SUV39H2: variants seen among roughly 807,000 people sequenced by gnomAD.
SUV39H2 encodes histone-lysine N-methyltransferase SUV39H2.
In SUV39H2, 10 loss-of-function variants were observed where a neutral mutation model predicts 47.5. The ratio of observed to expected loss-of-function variants is 0.21; its 90% CI spans 0.13 to 0.36. SUV39H2 has a LOEUF of 0.36. Among genes scored for constraint, SUV39H2 ranks in the 10% least tolerant of loss-of-function variants. The probability of loss-of-function intolerance (pLI) is 1.00; values close to 1 mark genes in which losing one functional copy is unlikely to be tolerated. For missense variants in SUV39H2, 266 were observed against 487.4 expected (o/e 0.55, Z 4.28); for synonymous variants, 159 against 166.8 (o/e 0.95, Z 0.36).
At chr10:14,893,299 G>A (rs553050600) in intron 2 of SUV39H2, among the ~76,000 whole-genome samples, 6 of 152,146 alleles carry the variant, frequency 3.9e-5, no homozygotes, top group South Asian at 2.1e-4. Context: ...CACCGCGCCC[G>A]GCCTTTGTAT....
chr10:14,883,865 G>A (rs968062003), intron 2 of SUV39H2, among the ~76,000 whole-genome samples: 7 of 152,018 alleles, frequency 4.6e-5, no homozygotes, highest in East Asian at 1.9e-4. Flanking sequence ...ACCTCCAGCC[G>A]TAGGGCAGCC....
intron 2 of SUV39H2, 134 bp from the exon 3 acceptor site, chr10:14,896,712 C>T: frequency 1.6e-6 from 1 of 636,428 alleles, no homozygotes; most frequent in Non-Finnish European, 2.6e-6. Flanking sequence ...TGTTAGGAAC[C>T]TGTGACTACA....
chr10:14,892,838 G>A (rs968026700), intron 2 of SUV39H2, among the ~76,000 whole-genome samples: 3 of 148,126 alleles, frequency 2.0e-5, no homozygotes, highest in African/African-American at 5.0e-5. Context: ...TTTTGGAGAC[G>A]GGGTCTCGCG....
At chr10:14,880,554 G>A (rs1057470817) in intron 1 of SUV39H2, among the ~76,000 whole-genome samples, 1 of 152,210 alleles carries the variant, frequency 6.6e-6, no homozygotes, top group African/African-American at 2.4e-5. Context: ...GATGGGTAGT[G>A]CAGAGGACTT....
rs146013333 is a variant in SUV39H2, at chr10:14,888,407, G to A, written c.177+6762G>A. Among the ~76,000 whole-genome samples, 1,429 of 150,616 alleles carry A rather than the reference G, an allele frequency of 9.5e-3. 23 individuals are homozygous for A. The highest frequency in any genetic ancestry group is 0.032 in the African/African-American group (1,313 of 41,030). On this transcript the variant is annotated intron_variant, in intron 2 of 5. Transcript: ENST00000354919. ...TCCCAGCACTTTGGGAGGCCGAGGC[G>A]GGCAGATCATGAGGTCAGGAGATTG...
chr10:14,898,696 G>A (rs1031017946), intron 3 of SUV39H2: 2 of 152,260 alleles, frequency 1.3e-5, no homozygotes, highest in Non-Finnish European at 2.9e-5. Context: ...TTCTTAAGCC[G>A]AGCGTGTCAT....
At chr10:14,894,360 T>TAATTCACAAAGATTACTGCTTGTTGAA (rs1564340047) in intron 2 of SUV39H2, among the ~76,000 whole-genome samples, 4 of 86,086 alleles carry the variant, frequency 4.6e-5, no homozygotes, top group East Asian at 3.5e-4. Flanking sequence ...GCAAAGTTTT[T>TAATTCACAAAGATTACTGCTTGTTGAA]TTTTTTTTTT....
chr10:14,883,340 A>AT (rs1444137641), intron 2 of SUV39H2, among the ~76,000 whole-genome samples: 4 of 151,946 alleles, frequency 2.6e-5, no homozygotes, highest in Non-Finnish European at 4.4e-5. Flanking sequence ...TGTCCCATTA[A>AT]TTTTTTTAAC....
chr10:14,880,039 C>A (rs1319072294), intron 1 of SUV39H2: 1 of 151,656 alleles, frequency 6.6e-6, no homozygotes, highest in Non-Finnish European at 1.5e-5. Context: ...ATAAGAGGAA[C>A]CTCCTTTATA....
intron 1 of SUV39H2, 198 bp downstream of exon 1, chr10:14,879,117 C>T (rs1166192933): frequency 9.5e-6 from 12 of 1,268,196 alleles, no homozygotes; most frequent in Non-Finnish European, 1.2e-5. Flanking sequence ...CGGCCGGCTC[C>T]CGCCGCGGAG....
In SUV39H2 at chr10:14,904,018, G is replaced by A. The variant is rs1834190951; in HGVS notation, c.*1506G>A. 1 of 152,118 alleles carries A rather than the reference G, an allele frequency of 6.6e-6. No homozygotes were observed. Among genetic ancestry groups the A allele is most frequent in the African/African-American group, 2.4e-5 (1 of 41,420 alleles). The allele number at this position is 152,118 out of a possible 1,614,324, so 9.4% of individuals were successfully genotyped here. A position where few individuals can be genotyped will look rare whatever the true frequency, so the allele number is the denominator to read the frequency against. ...CTGTTAACCAAAATTGCAGAATGGGGGGCCAGGCCTGTGTGGTGGCTCACA... is the reference window on the plus strand; with the variant it reads ...CTGTTAACCAAAATTGCAGAATGGGAGGCCAGGCCTGTGTGGTGGCTCACA... On this transcript the variant is annotated 3_prime_UTR_variant, in exon 6 of 6. Coordinates refer to ENST00000354919, the MANE Select transcript of SUV39H2 (RefSeq NM_001193424.2).
At chr10:14,883,940 G>T (rs1425645723) in intron 2 of SUV39H2, among the ~76,000 whole-genome samples, 1 of 152,076 alleles carries the variant, frequency 6.6e-6, no homozygotes, top group African/African-American at 2.4e-5. Flanking sequence ...ACCATATGTG[G>T]TCCTTTGTGA....
At chr10:14,880,830 AG>A (rs1250693488) in intron 1 of SUV39H2, among the ~76,000 whole-genome samples, 1 of 152,226 alleles carries the variant, frequency 6.6e-6, no homozygotes, top group East Asian at 1.9e-4. Flanking sequence ...ACAGTCCATA[AG>A]TATTACAAAA....
At chr10:14,892,979 A>C (rs1483487723) in intron 2 of SUV39H2, among the ~76,000 whole-genome samples, 4 of 142,520 alleles carry the variant, frequency 2.8e-5, no homozygotes, top group Non-Finnish European at 6.1e-5. Flanking sequence ...GCCCACCACC[A>C]TGCCGAGCTA....
At position 14,899,661 on chromosome 10, in the gene SUV39H2, T is replaced by C. The variant is rs369186882; in HGVS notation, c.972T>C (p.Asn324=). The C allele has an allele frequency of 1.2e-6, 2 of 1,613,876 alleles. No homozygotes were observed. Among genetic ancestry groups the C allele is most frequent in the African/African-American group, 1.3e-5 (1 of 74,942 alleles). The change falls in exon 4 of 6, where the codon AAT becomes AAC. Residue 324 remains asparagine (N), a synonymous_variant. Transcript: ENST00000354919. ...EFTVDAARYG[N]VSHFVNHSCD... ...CAGTGGATGCGGCTCGATACGGCAA[T>C]GTGTCTCATTTTGTGAATCACAGCG...
Position 14,881,725 on chromosome 10 carries a change from TAAAAG to T in SUV39H2, c.177+86_177+90del, listed in dbSNP as rs1833043793. On this transcript the variant is annotated intron_variant, in intron 2 of 5. Coordinates refer to ENST00000354919, the MANE Select transcript of SUV39H2 (RefSeq NM_001193424.2). ...TATTTCTGTAACATAAAAAGAACAT[TAAAAG>T]AAAAGCTCTTCTTAATGTTTAAAAT... 4 of 1,214,182 alleles carry T rather than the reference TAAAAG, an allele frequency of 3.3e-6. No homozygotes were observed. The East Asian group carries it at 8.5e-5, about 26-fold the overall frequency. 75.2% of individuals were successfully genotyped at this position (1,214,182 alleles called of 1,614,324 possible). A position where few individuals can be genotyped will look rare whatever the true frequency, so the allele number is the denominator to read the frequency against.
chr10:14,885,376 G>A (rs957544155), intron 2 of SUV39H2, among the ~76,000 whole-genome samples: 4 of 151,898 alleles, frequency 2.6e-5, no homozygotes, highest in Non-Finnish European at 4.4e-5. Flanking sequence ...TTAATTCTTC[G>A]TTTCTTTTTA....
intron 4 of SUV39H2, among the ~76,000 whole-genome samples, chr10:14,900,813 G>C (rs1833954201): frequency 6.6e-6 from 1 of 151,970 alleles, no homozygotes; most frequent in African/African-American, 2.4e-5. Context: ...AATGTTATCT[G>C]GGATTTGTAT....
intron 3 of SUV39H2, chr10:14,899,065 A>C: frequency 1.7e-6 from 1 of 597,782 alleles, no homozygotes; most frequent in Non-Finnish European, 3.0e-6. Flanking sequence ...GTTACAGTTA[A>C]TCCCAGCACT....
Sources: allele counts gnomAD v4.1 joint callset (sites outside exome capture counted in the v4.1 genomes callset), GRCh38; gene constraint gnomAD v4.1.1; transcripts MANE v1.5; gene names NCBI Gene and HGNC (gene_info 2026-07-23, HGNC 2026-07-21).